EPHB1: variants seen among roughly 807,000 people sequenced by gnomAD.
The protein encoded by EPHB1 is EPH receptor B1.
A neutral mutation model predicts 94.4 loss-of-function variants in EPHB1; 30 were observed. The observed-to-expected ratio is 0.32, with a 90% CI of 0.24 to 0.43. The LOEUF (loss-of-function observed/expected upper bound fraction) is 0.43. Ranked by LOEUF, EPHB1 falls within the 20% of genes least tolerant of loss-of-function variation. EPHB1 has a pLI of 1.00. For missense variants in EPHB1, 1,055 were observed against 1,308.3 expected (o/e 0.81, Z 2.99); for synonymous variants, 522 against 489.1 (o/e 1.07, Z -0.89).
chr3:135,040,489 G>T lies in EPHB1; in HGVS notation c.806-65959G>T, dbSNP rs922464736. Among the ~76,000 whole-genome samples the T allele has an allele frequency of 1.3e-5, 2 of 152,242 alleles. 1 individual carries two copies. Among genetic ancestry groups the T allele is most frequent in the South Asian group, 4.1e-4 (2 of 4,828 alleles). ...CAGAGACACAGAGCCCTGGGGCTGG[G>T]GGGCATTTGGTAAAACAGGCCCAGC... is the stretch of plus-strand genomic sequence containing the variant. On this transcript the variant is annotated intron_variant, in intron 3 of 15. Transcript: ENST00000398015.
chr3:135,154,117 C>T (rs1375231847), intron 5 of EPHB1, 35 bp from the exon 6 acceptor site: 1 of 1,613,178 alleles, frequency 6.2e-7, no homozygotes, highest in Admixed American at 1.7e-5. Context: ...AATTGAGTGT[C>T]TGTTCAGCTA....
chr3:135,156,094 G>A (rs923779668), intron 6 of EPHB1, among the ~76,000 whole-genome samples: 3 of 152,044 alleles, frequency 2.0e-5, no homozygotes, highest in Admixed American at 6.6e-5. Flanking sequence ...CCACTAGAAC[G>A]ATGTAGCCGG....
chr3:135,049,947 T>C (rs1230199236), intron 3 of EPHB1, among the ~76,000 whole-genome samples: 1 of 152,186 alleles, frequency 6.6e-6, no homozygotes, highest in Non-Finnish European at 1.5e-5. Context: ...CTCTCCTTTA[T>C]GCTTCCAGTG....
At chr3:134,852,759 CA>C (rs2108300297) in intron 1 of EPHB1, among the ~76,000 whole-genome samples, 1 of 152,118 alleles carries the variant, frequency 6.6e-6, no homozygotes, top group Admixed American at 6.5e-5. Flanking sequence ...TGGTATTGTG[CA>C]AAGAATGACT....
intron 11 of EPHB1, among the ~76,000 whole-genome samples, chr3:135,195,548 T>A (rs1942578505): frequency 6.7e-6 from 1 of 150,228 alleles, no homozygotes; most frequent in Non-Finnish European, 1.5e-5. Context: ...TGTGATCTCA[T>A]TGTTCAATTC....
chr3:134,977,047 C>T (rs1377972928), intron 3 of EPHB1, among the ~76,000 whole-genome samples: 1 of 152,206 alleles, frequency 6.6e-6, no homozygotes, highest in African/African-American at 2.4e-5. Context: ...GATGTTTTCA[C>T]ACAGGAGGAA....
chr3:135,148,900 T>A (rs1235501878), intron 5 of EPHB1, among the ~76,000 whole-genome samples: 2 of 152,238 alleles, frequency 1.3e-5, no homozygotes, highest in Non-Finnish European at 1.5e-5. Flanking sequence ...GGCCTTTTAT[T>A]GTTGGCTATA....
intron 2 of EPHB1, among the ~76,000 whole-genome samples, chr3:134,949,289 A>G (rs1175541081): frequency 6.6e-6 from 1 of 152,122 alleles, no homozygotes; most frequent in Non-Finnish European, 1.5e-5. Flanking sequence ...GGGGTCCAGG[A>G]GGACCCTGGA....
intron 1 of EPHB1, among the ~76,000 whole-genome samples, chr3:134,914,904 C>T (rs983308222): frequency 6.6e-6 from 1 of 152,130 alleles, no homozygotes; most frequent in African/African-American, 2.4e-5. Context: ...ATCTCACTCC[C>T]CATGTCCTAT....
chr3:135,146,872 A>G (rs1941026980), intron 5 of EPHB1, among the ~76,000 whole-genome samples: 1 of 152,212 alleles, frequency 6.6e-6, no homozygotes, highest in South Asian at 2.1e-4. Context: ...CCAGAAGGAT[A>G]GTTTGGGGTG....
chr3:135,052,587 C>T (rs999963246), intron 3 of EPHB1, among the ~76,000 whole-genome samples: 6 of 151,576 alleles, frequency 4.0e-5, no homozygotes, highest in East Asian at 3.9e-4. Context: ...AATGGCCAAG[C>T]GCAGTGGCTC....
At chr3:134,933,958 C>T (rs1291704530) in intron 2 of EPHB1, among the ~76,000 whole-genome samples, 1 of 152,182 alleles carries the variant, frequency 6.6e-6, no homozygotes, top group Non-Finnish European at 1.5e-5. Flanking sequence ...GGCCCAGCCT[C>T]CCTGCTGTTG....
intron 1 of EPHB1, among the ~76,000 whole-genome samples, chr3:134,864,001 A>C (rs9809460): frequency 0.99 from 150,691 of 152,310 alleles, 74,566 homozygotes; most frequent in Middle Eastern, 1. Flanking sequence ...TCTACAGCAT[A>C]CCCGCTGGTG....
chr3:134,803,294 C>T (rs1474052609), intron 1 of EPHB1, among the ~76,000 whole-genome samples: 1 of 152,178 alleles, frequency 6.6e-6, no homozygotes, highest in Non-Finnish European at 1.5e-5. Context: ...TCTCCATTTC[C>T]CTGTGAAGGT....
chr3:134,856,020 A>G (rs1475547289), intron 1 of EPHB1, among the ~76,000 whole-genome samples: 2 of 152,178 alleles, frequency 1.3e-5, no homozygotes, highest in Non-Finnish European at 2.9e-5. Context: ...CTGACTATAG[A>G]TAGCACCCTT....
At chr3:134,855,949 ATAACTTATT>A (rs1248318161) in intron 1 of EPHB1, among the ~76,000 whole-genome samples, 1 of 152,220 alleles carries the variant, frequency 6.6e-6, no homozygotes, top group Admixed American at 6.5e-5. Flanking sequence ...GAGGAGTCAG[ATAACTTATT>A]CAAGGTCATG....
chr3:135,018,415 A>C (rs1935875035), intron 3 of EPHB1, among the ~76,000 whole-genome samples: 1 of 152,046 alleles, frequency 6.6e-6, no homozygotes, highest in Non-Finnish European at 1.5e-5. Context: ...TTCATTCTGT[A>C]ATGGCCTTTC....
At chr3:134,841,635 A>G (rs540492955) in intron 1 of EPHB1, 1 of 152,330 alleles carries the variant, frequency 6.6e-6, no homozygotes, top group East Asian at 1.9e-4. Flanking sequence ...GAGCTGACTG[A>G]AACTATGAGA....
intron 12 of EPHB1, among the ~76,000 whole-genome samples, chr3:135,213,983 C>T (rs186740629): frequency 1.3e-5 from 2 of 152,254 alleles, no homozygotes; most frequent in East Asian, 3.9e-4. Context: ...CTCCCTCAGC[C>T]CCTTCCCCTT....
Sources: gnomAD v4.1 joint callset for allele counts (sites outside exome capture counted in the v4.1 genomes callset) on GRCh38, gnomAD v4.1.1 for gene constraint, MANE v1.5 for transcripts, NCBI Gene and HGNC (gene_info 2026-07-23, HGNC 2026-07-21) for gene names.